The following ARMC10 variants were observed in gnomAD, a reference collection of about 807,000 sequenced individuals.
ARMC10 encodes the protein armadillo repeat-containing protein 10.
Under a neutral mutation model 30.2 loss-of-function variants are expected in ARMC10, and 23 were observed. The ratio of observed to expected loss-of-function variants is 0.76; its 90% CI spans 0.55 to 1.08. ARMC10 has a LOEUF of 1.08. Ranked by LOEUF, ARMC10 falls within the 50% of genes least tolerant of loss-of-function variation. ARMC10 has a pLI of 0.00. For synonymous variants in ARMC10, 111 were observed against 164.4 expected (o/e 0.68, Z 2.48); for missense variants, 303 against 413.7 (o/e 0.73, Z 2.32).
At chr7:103,097,090 T>A in intron 5 of ARMC10, 187 bp from the exon 6 acceptor site, 3 of 606,634 alleles carry the variant, frequency 4.9e-6, no homozygotes, top group South Asian at 2.0e-5. Context: ...CCAAGTGTTA[T>A]AAGAGTTCAG....
chr7:103,095,378 G>A (rs994410731), intron 5 of ARMC10, among the ~76,000 whole-genome samples: 2 of 152,220 alleles, frequency 1.3e-5, no homozygotes, highest in Non-Finnish European at 2.9e-5. Context: ...GCAGGCATGC[G>A]CCACCGCACC....
chr7:103,093,950 G>A (rs751288748), intron 5 of ARMC10, among the ~76,000 whole-genome samples: 1 of 152,178 alleles, frequency 6.6e-6, no homozygotes, highest in Non-Finnish European at 1.5e-5. Context: ...GCTTAGTACA[G>A]TATTTCTAGG....
intron 2 of ARMC10, chr7:103,081,933 A>G (rs1385246094): frequency 2.2e-5 from 10 of 456,456 alleles, no homozygotes; most frequent in Non-Finnish European, 3.5e-5. Context: ...TGTAACTTTG[A>G]TTTTTCATTT....
intron 1 of ARMC10, 83 bp from the exon 2 acceptor site, chr7:103,075,694 G>A: frequency 9.6e-7 from 1 of 1,044,734 alleles, no homozygotes; most frequent in Non-Finnish European, 1.3e-6. Context: ...CTTGCTCCGG[G>A]CCTTTGTGTA....
intron 5 of ARMC10, chr7:103,096,086 T>C (rs1161700079): frequency 1.3e-5 from 2 of 151,842 alleles, no homozygotes; most frequent in Non-Finnish European, 2.9e-5. Flanking sequence ...AGAATAATAA[T>C]TAATAAATTA....
chr7:103,088,738 C>A, intron 4 of ARMC10: 2 of 192,260 alleles, frequency 1.0e-5, no homozygotes, highest in South Asian at 1.2e-4. Flanking sequence ...GCCACCTCTC[C>A]AACATATAGT....
intron 2 of ARMC10, among the ~76,000 whole-genome samples, chr7:103,081,513 A>G (rs2129520826): frequency 6.6e-6 from 1 of 152,294 alleles, no homozygotes; most frequent in East Asian, 1.9e-4. Flanking sequence ...CTGGGATTAC[A>G]AGGCATCCTG....
chr7:103,084,435 AG>A (rs1466929611), intron 3 of ARMC10, among the ~76,000 whole-genome samples: 1 of 152,250 alleles, frequency 6.6e-6, no homozygotes, highest in Non-Finnish European at 1.5e-5. Flanking sequence ...TTGAATTTAT[AG>A]TTTTTTTTAG....
chr7:103,078,423 C>T (rs552959303), intron 2 of ARMC10, among the ~76,000 whole-genome samples: 10 of 152,292 alleles, frequency 6.6e-5, no homozygotes, highest in Non-Finnish European at 1.5e-4. Flanking sequence ...AGGGGCTTCC[C>T]CCTTTGCTCT....
intron 4 of ARMC10, among the ~76,000 whole-genome samples, chr7:103,092,198 T>G (rs1801395235): frequency 6.6e-6 from 1 of 151,862 alleles, no homozygotes; most frequent in Non-Finnish European, 1.5e-5. Flanking sequence ...CCGGGCGTGG[T>G]GGCGGGCGCC....
At position 103,092,565 on chromosome 7, in the gene ARMC10, T is replaced by G. The variant is rs373898363; in HGVS notation, c.617T>G (p.Met206Arg). The change falls in exon 5 of 7, where the codon ATG (methionine) becomes AGG (arginine). Residue 206 changes from methionine to arginine, a missense_variant. Met to Arg is a moderately conservative substitution (Grantham distance 91). Around this residue, in one of 4 missense-constraint regions of ARMC10, gnomAD observed 170 missense variants for 207.2 expected, o/e 0.82. Transcript: ENST00000323716. ...QLAGLTLLTNMTVTNDHQHML... is the reference protein window; with the variant it reads ...QLAGLTLLTNRTVTNDHQHML... Reference sequence around the variant, plus strand: ...GCTGGACTGACATTGTTGACAAACATGACTGTTACCAATGACCACCAGCAC... The same window carrying G: ...GCTGGACTGACATTGTTGACAAACAGGACTGTTACCAATGACCACCAGCAC... 6.2e-7 allele frequency: 1 copy of G among 1,610,464 alleles called. No homozygotes were observed. The highest frequency in any genetic ancestry group is 8.5e-7 in the Non-Finnish European group (1 of 1,177,068).
intron 4 of ARMC10, 187 bp downstream of exon 4, chr7:103,086,951 T>C: frequency 6.9e-7 from 1 of 1,442,962 alleles, no homozygotes; most frequent in Non-Finnish European, 9.2e-7. Flanking sequence ...CAATAAGACT[T>C]TTGTTTCAGT....
chr7:103,087,025 A>C (rs1800923643), intron 4 of ARMC10: 6 of 976,716 alleles, frequency 6.1e-6, no homozygotes, highest in Non-Finnish European at 8.3e-6. Flanking sequence ...GGTGACAGTA[A>C]TAGCCTTAAG....
intron 1 of ARMC10, 111 bp downstream of exon 1, chr7:103,075,522 G>T (rs1799644372): frequency 6.2e-6 from 7 of 1,125,816 alleles, no homozygotes; most frequent in Admixed American, 8.2e-5. Context: ...GAGCTAGAGG[G>T]AGAGGCAGTA....
At chr7:103,085,718 G>A (rs890536537) in intron 3 of ARMC10, among the ~76,000 whole-genome samples, 2 of 151,082 alleles carry the variant, frequency 1.3e-5, no homozygotes, top group East Asian at 3.9e-4. Flanking sequence ...AGGTTCAAGC[G>A]ATTCTCCTGC....
intron 6 of ARMC10, 123 bp from the exon 7 acceptor site, chr7:103,098,176 A>T: frequency 9.2e-7 from 1 of 1,082,470 alleles, no homozygotes; most frequent in Non-Finnish European, 1.2e-6. Context: ...GATACATTTT[A>T]AATGTGAATT....
intron 4 of ARMC10, chr7:103,087,865 CA>C: frequency 1.3e-6 from 1 of 777,906 alleles, no homozygotes; most frequent in Non-Finnish European, 1.6e-6. Flanking sequence ...TACAGAATTA[CA>C]GATTACTATG....
At chr7:103,090,123 A>G (rs1355021367) in intron 4 of ARMC10, among the ~76,000 whole-genome samples, 1 of 152,174 alleles carries the variant, frequency 6.6e-6, no homozygotes, top group Admixed American at 6.5e-5. Flanking sequence ...ACAGAACAAG[A>G]TGAGGTGGAC....
intron 3 of ARMC10, among the ~76,000 whole-genome samples, chr7:103,084,640 A>T (rs1800672317): frequency 6.6e-6 from 1 of 152,198 alleles, no homozygotes; most frequent in South Asian, 2.1e-4. Context: ...TTCAGGCACA[A>T]CTGAGTCCAG....
Sources: gnomAD v4.1 joint callset for allele counts (sites outside exome capture counted in the v4.1 genomes callset) on GRCh38, gnomAD v4.1.1 for gene constraint, gnomAD v4.1.1 regional missense constraint, MANE v1.5 for transcripts, NCBI Gene and HGNC (gene_info 2026-07-23, HGNC 2026-07-21) for gene names.